TTLL5: variants seen among roughly 807,000 people sequenced by gnomAD.
TTLL5 encodes the protein tubulin tyrosine ligase like 5.
Under a neutral mutation model 168.4 loss-of-function variants are expected in TTLL5, and 132 were observed. The ratio of observed to expected loss-of-function variants is 0.78; its 90% CI spans 0.68 to 0.91. The LOEUF is 0.91. Ranked by LOEUF, TTLL5 falls within the 40% of genes least tolerant of loss-of-function variation. The pLI is 0.00. For missense variants in TTLL5, 1,545 were observed against 1,581.5 expected, an observed-to-expected ratio of 0.98 and a Z score of 0.39; for synonymous variants, 546 against 558.6, an observed-to-expected ratio of 0.98 and a Z score of 0.32.
chr14:75,862,999 CTA>C (rs1725934987), intron 28 of TTLL5, among the ~76,000 whole-genome samples: 2 of 152,072 alleles, frequency 1.3e-5, no homozygotes, highest in South Asian at 4.1e-4. Flanking sequence ...TTAACAAATA[CTA>C]TAACATAGCA....
intron 5 of TTLL5, among the ~76,000 whole-genome samples, chr14:75,687,899 G>T (rs140792250): frequency 1.3e-5 from 2 of 152,148 alleles, no homozygotes. Flanking sequence ...CAGTATACCC[G>T]TTAGAATGGC....
chr14:75,781,006 A>G (rs1892014200), intron 24 of TTLL5, among the ~76,000 whole-genome samples: 1 of 152,186 alleles, frequency 6.6e-6, no homozygotes, highest in Non-Finnish European at 1.5e-5. Flanking sequence ...ATAGAATAAG[A>G]AAGCTGGCAG....
chr14:75,766,482 C>T, intron 20 of TTLL5, 114 bp downstream of exon 20: 1 of 1,033,352 alleles, frequency 9.7e-7, no homozygotes, highest in Middle Eastern at 3.2e-4. Flanking sequence ...TTACAGAAGT[C>T]CTATGAAATA....
intron 9 of TTLL5, 170 bp from the exon 10 acceptor site, chr14:75,717,691 A>T: frequency 1.7e-6 from 1 of 600,172 alleles, no homozygotes; most frequent in Non-Finnish European, 2.9e-6. Flanking sequence ...GGATTGAATT[A>T]AGTATGACAT....
At position 75,852,520 on chromosome 14, in the gene TTLL5, G is replaced by A. The variant is rs147166867; in HGVS notation, c.3327-11147G>A. ...CACATAGTTTTTCCAGATTATTTCT[G>A]AGCTTTTCATGATCTCTAACACCAT... is the stretch of plus-strand genomic sequence containing the variant. On this transcript the variant is annotated intron_variant, in intron 28 of 31. Transcript: ENST00000298832. Among the ~76,000 whole-genome samples, 106 of 152,182 alleles carry A rather than the reference G, an allele frequency of 7.0e-4. 1 individual carries two copies. Among genetic ancestry groups the A allele is most frequent in the South Asian group, 5.8e-3 (28 of 4,816 alleles).
chr14:75,813,194 CTGTGTG>C (rs61154954), intron 27 of TTLL5, among the ~76,000 whole-genome samples: 46 of 142,440 alleles, frequency 3.2e-4, no homozygotes, highest in African/African-American at 1.1e-3. Flanking sequence ...CTGGAACAAG[CTGTGTG>C]TGTGTGTGTG....
intron 31 of TTLL5, chr14:75,906,520 A>G: frequency 1.0e-6 from 1 of 985,758 alleles, no homozygotes; most frequent in Non-Finnish European, 1.2e-6. Context: ...AATCAAATGT[A>G]GTGTTAAGTA....
At chr14:75,904,259 T>C in intron 31 of TTLL5, 1 of 1,135,488 alleles carries the variant, frequency 8.8e-7, no homozygotes, top group East Asian at 7.3e-5. Flanking sequence ...GTTAACTATA[T>C]TTTTAAGAAA....
chr14:75,876,935 C>T (rs1436070242), intron 29 of TTLL5, among the ~76,000 whole-genome samples: 6 of 152,186 alleles, frequency 3.9e-5, no homozygotes, highest in Admixed American at 6.5e-5. Flanking sequence ...TGATTAGTAA[C>T]TTACATGCTC....
chr14:75,746,461 C>T (rs1306066233), intron 17 of TTLL5, among the ~76,000 whole-genome samples: 1 of 152,014 alleles, frequency 6.6e-6, no homozygotes, highest in South Asian at 2.1e-4. Flanking sequence ...GAGAAGCATA[C>T]AGCAATTATT....
At position 75,703,504 on chromosome 14, in the gene TTLL5, T is replaced by C. The variant is rs137993711; in HGVS notation, c.586-3514T>C. ...CATAAAGGAACAAAGCTGTGTTTGC[T>C]CCACTCCTTCAGTAACCATGACTAA... is the stretch of plus-strand genomic sequence containing the variant. On this transcript the variant is annotated intron_variant, in intron 7 of 31. Transcript: ENST00000298832. Among the ~76,000 whole-genome samples, 149 of 152,326 alleles carry C rather than the reference T, an allele frequency of 9.8e-4. 1 individual carries two copies. Among genetic ancestry groups the C allele is most frequent in the African/African-American group, 3.4e-3 (141 of 41,594 alleles).
intron 31 of TTLL5, among the ~76,000 whole-genome samples, chr14:75,911,796 G>A (rs899106945): frequency 6.6e-5 from 10 of 152,270 alleles, no homozygotes; most frequent in Middle Eastern, 6.8e-3. Flanking sequence ...AAAAATGACC[G>A]CTCACAGGCC....
At chr14:75,942,897 G>A (rs1448711088) in intron 31 of TTLL5, among the ~76,000 whole-genome samples, 1 of 152,160 alleles carries the variant, frequency 6.6e-6, no homozygotes, top group African/African-American at 2.4e-5. Context: ...TTATGTTTGT[G>A]TTGCTTGTTG....
At position 75,732,000 on chromosome 14, in the gene TTLL5, C is replaced by CTT. The variant is rs762598685; in HGVS notation, c.1043-321_1043-320dup. 2.2e-3 allele frequency among the ~76,000 whole-genome samples: 283 copies of CTT among 129,562 alleles called. 1 individual carries two copies. The highest frequency in any genetic ancestry group is 7.6e-3 in the African/African-American group (272 of 35,566). 85.0% of individuals were successfully genotyped at this position (129,562 alleles called of 152,430 possible). A position where few individuals can be genotyped will look rare whatever the true frequency, so the allele number is the denominator to read the frequency against. On this transcript the variant is annotated intron_variant, in intron 12 of 31. Transcript: ENST00000298832. ...GCTTGTTTCATTCCTTTCCCCGCCT[C>CTT]TTTTTTTTTTTTTTTTTTACGCCCA...
At chr14:75,723,593 G>A (rs1721976488) in intron 12 of TTLL5, among the ~76,000 whole-genome samples, 1 of 152,080 alleles carries the variant, frequency 6.6e-6, no homozygotes, top group African/African-American at 2.4e-5. Flanking sequence ...AACCTTTTCT[G>A]AATGTTTCCT....
In TTLL5 at chr14:75,775,467, G is replaced by A. The variant is rs576967593; in HGVS notation, c.2137-17G>A. 57 of 1,599,674 alleles carry A rather than the reference G, an allele frequency of 3.6e-5. 1 individual carries two copies. The South Asian group carries it at 4.6e-4, about 13-fold the overall frequency. ...CATCCCTCCTTTTTTTTTCTCCCACGACTCTTTAATTTATAGGAGCTGGTT... is the reference window on the plus strand; with the variant it reads ...CATCCCTCCTTTTTTTTTCTCCCACAACTCTTTAATTTATAGGAGCTGGTT... On this transcript the variant is annotated splice_polypyrimidine_tract_variant and intron_variant, in intron 21 of 31. Transcript: ENST00000298832.
At chr14:75,893,588 G>GTGGGCGGATCACGAGGTCAGGAGATC (rs2032507430) in intron 30 of TTLL5, among the ~76,000 whole-genome samples, 1 of 152,076 alleles carries the variant, frequency 6.6e-6, no homozygotes, top group Non-Finnish European at 1.5e-5. Context: ...GGAGGCCGAG[G>GTGGGCGGATCACGAGGTCAGGAGATC]TGGGCGGATC....
intron 18 of TTLL5, among the ~76,000 whole-genome samples, chr14:75,760,033 A>C (rs907468242): frequency 3.3e-5 from 5 of 152,194 alleles, no homozygotes; most frequent in African/African-American, 9.6e-5. Flanking sequence ...AAAGAAATGC[A>C]CACAGATTGG....
At chr14:75,817,316 C>G (rs1894488646) in intron 27 of TTLL5, among the ~76,000 whole-genome samples, 1 of 152,028 alleles carries the variant, frequency 6.6e-6, no homozygotes, top group Non-Finnish European at 1.5e-5. Context: ...CCTTCTTCTC[C>G]CCCTTGTAGA....
Sources: gnomAD v4.1 joint callset for allele counts (sites outside exome capture counted in the v4.1 genomes callset) on GRCh38, gnomAD v4.1.1 for gene constraint, MANE v1.5 for transcripts, NCBI Gene and HGNC (gene_info 2026-07-23, HGNC 2026-07-21) for gene names.